HSP90AA1: variants seen among roughly 807,000 people sequenced by gnomAD.
The protein encoded by HSP90AA1 is heat shock protein HSP 90-alpha.
HSP90AA1 carries 18 observed loss-of-function variants against 73.3 expected under a neutral mutation model. The observed-to-expected ratio is 0.25, with a 90% CI of 0.17 to 0.36. HSP90AA1 has a LOEUF of 0.36. Ranked by LOEUF, HSP90AA1 falls within the 10% of genes least tolerant of loss-of-function variation. The pLI, the probability that HSP90AA1 is intolerant of heterozygous loss-of-function variation, is 1.00. For synonymous variants in HSP90AA1, 477 were observed against 296.9 expected, an observed-to-expected ratio of 1.61 and a Z score of -6.24; for missense variants, 704 against 874.2, an observed-to-expected ratio of 0.81 and a Z score of 2.45.
chr14:102,087,102 T>A, upstream of HSP90AA1: 2 of 983,104 alleles, frequency 2.0e-6, no homozygotes, highest in Non-Finnish European at 2.4e-6. Flanking sequence ...CGCGCGGCGC[T>A]TTTTCCAGAA....
Position 102,125,237 on chromosome 14 carries a change from G to C in HSP90AA1, c.155+14013C>G, listed in dbSNP as rs533581850. Among the ~76,000 whole-genome samples, 4 of 152,002 alleles carry C rather than the reference G, an allele frequency of 2.6e-5. 1 individual carries two copies. Among genetic ancestry groups the C allele is most frequent in the Admixed American group, 6.6e-5 (1 of 15,252 alleles). On this transcript the variant is annotated intron_variant, in intron 1 of 11. Coordinates refer to the HSP90AA1 transcript ENST00000334701. Reference sequence around the variant, plus strand: ...TCCAACTCCTGGGCTGAAGTGATCCGACTGCCTCAGCCTCCCAAAGTGCTG... The same window carrying C: ...TCCAACTCCTGGGCTGAAGTGATCCCACTGCCTCAGCCTCCCAAAGTGCTG...
At chr14:102,098,917 C>T (rs1316387356) in intron 2 of HSP90AA1, among the ~76,000 whole-genome samples, 1 of 152,192 alleles carries the variant, frequency 6.6e-6, no homozygotes, top group Non-Finnish European at 1.5e-5. Flanking sequence ...GTTCTAAACT[C>T]TTTCACTAGA....
rs770458840 is a variant in HSP90AA1, at chr14:102,083,091, T to G, written c.1698A>C (p.Thr566=). ...EEKKKQEEKK[T]KFENLCKIMK... is the part of the protein sequence containing the mutation. ...TGATTTTGCAGAGGTTCTCAAACTT[T>G]GTTTTTTTCTCTTCCTGCTTCTTTT... is the stretch of plus-strand genomic sequence containing the variant. The change falls in exon 9 of 11, where the codon ACA becomes ACC. Residue 566 remains threonine, a synonymous_variant. Transcript: ENST00000216281. The G allele has an allele frequency of 6.2e-7, 1 of 1,613,914 alleles. No individual in the cohort carries two copies. Among genetic ancestry groups the G allele is most frequent in the Non-Finnish European group, 8.5e-7 (1 of 1,179,814 alleles).
Position 102,135,650 on chromosome 14 carries a change from C to T in HSP90AA1, c.155+3600G>A, listed in dbSNP as rs976597657. ...CATGGGGGCTGCAGGTCCCGGAGCC[C>T]TGCCCCGCGGGAAGGCAGCTAAGGC... On this transcript the variant is annotated intron_variant, in intron 1 of 11. Transcript: ENST00000334701. Among the ~76,000 whole-genome samples the T allele has an allele frequency of 7.2e-5, 11 of 152,396 alleles. No homozygotes were observed. In the South Asian group the frequency reaches 1.9e-3, roughly 26 times the overall value.
At chr14:102,135,176 T>A (rs1422355495) in intron 1 of HSP90AA1, among the ~76,000 whole-genome samples, 19 of 139,900 alleles carry the variant, frequency 1.4e-4, no homozygotes, top group Admixed American at 7.9e-4. Context: ...GAGCTAGACA[T>A]AAAAGTTCTC....
intron 1 of HSP90AA1, among the ~76,000 whole-genome samples, chr14:102,134,844 C>G (rs10129299): frequency 0.053 from 8,055 of 152,248 alleles, 638 homozygotes; most frequent in African/African-American, 0.17. Flanking sequence ...GTTGCCAATG[C>G]TAGCTCGGGC....
intron 2 of HSP90AA1, among the ~76,000 whole-genome samples, chr14:102,100,749 A>G (rs1313589606): frequency 6.6e-6 from 1 of 152,122 alleles, no homozygotes; most frequent in Non-Finnish European, 1.5e-5. Context: ...CATTTCTTTG[A>G]TTAGTAATCC....
At chr14:102,095,075 G>A (rs536422034) in intron 2 of HSP90AA1, among the ~76,000 whole-genome samples, 1 of 152,188 alleles carries the variant, frequency 6.6e-6, no homozygotes, top group Non-Finnish European at 1.5e-5. Flanking sequence ...TGTCACCTTT[G>A]TTGGACCACA....
In HSP90AA1 at chr14:102,086,016, T is replaced by C. The variant is rs1388698482; in HGVS notation, c.271A>G (p.Ile91Val). The C allele has an allele frequency of 5.6e-6, 9 of 1,613,808 alleles. No homozygotes were observed. In the East Asian group the frequency reaches 8.9e-5, roughly 16 times the overall value. ...GTCATTCCAATTCCAGTATCCACAATAGTGAGAGTTCGATCTTGTTTGTTC... is the reference window on the plus strand; with the variant it reads ...GTCATTCCAATTCCAGTATCCACAACAGTGAGAGTTCGATCTTGTTTGTTC... Reference protein sequence around the residue: ...IPNKQDRTLTIVDTGIGMTKA... With the variant: ...IPNKQDRTLTVVDTGIGMTKA... Residue 91 changes from isoleucine to valine, a missense_variant, in exon 3 of 11, where the codon ATT becomes GTT. Ile to Val is a conservative substitution (Grantham distance 29, BLOSUM62 3). Transcript: ENST00000216281.
chr14:102,106,537 ATTTTT>A (rs10562409), intron 1 of HSP90AA1, among the ~76,000 whole-genome samples: 13 of 79,818 alleles, frequency 1.6e-4, no homozygotes, highest in Admixed American at 1.5e-4. Context: ...TGTTGAGCTA[ATTTTT>A]TTTTTTTTTT....
chr14:102,119,564 C>G (rs2049747777), intron 1 of HSP90AA1, among the ~76,000 whole-genome samples: 2 of 152,240 alleles, frequency 1.3e-5, no homozygotes, highest in African/African-American at 4.8e-5. Context: ...TCTCAGTTCA[C>G]TGCAACTTCC....
chr14:102,129,171 C>CT (rs2049875112), intron 1 of HSP90AA1, among the ~76,000 whole-genome samples: 2 of 129,396 alleles, frequency 1.5e-5, no homozygotes, highest in South Asian at 5.2e-4. Flanking sequence ...GAGTCTCACT[C>CT]TGTCGCCCAG....
chr14:102,127,200 A>G (rs549787936), intron 1 of HSP90AA1, among the ~76,000 whole-genome samples: 87 of 152,306 alleles, frequency 5.7e-4, no homozygotes, highest in African/African-American at 1.9e-3. Flanking sequence ...AAAGTTAGGA[A>G]CTGTTATTGA....
chr14:102,100,465 G>GC (rs1476608639), intron 2 of HSP90AA1, among the ~76,000 whole-genome samples: 2 of 130,194 alleles, frequency 1.5e-5, no homozygotes, highest in Non-Finnish European at 3.2e-5. Flanking sequence ...CACTCCTGTT[G>GC]CCCAGGCTGG....
rs1566722182 is a variant in HSP90AA1 at position 102,086,995 on chromosome 14, G to GTT, written c.-11_-10insAA. On this transcript the variant is annotated 5_prime_UTR_variant, in exon 1 of 11. Transcript: ENST00000216281. ...CACAACCACCCGTCACCTTGGCTAA[G>GTT]TGACCGCACAGGACCAACGGCACAG... The GTT allele has an allele frequency of 1.0e-6, 1 of 985,188 alleles. No homozygotes were observed. The highest frequency in any genetic ancestry group is 1.8e-5 in the African/African-American group (1 of 57,120). 61.0% of individuals were successfully genotyped at this position (985,188 alleles called of 1,614,324 possible).
intron 1 of HSP90AA1, among the ~76,000 whole-genome samples, chr14:102,110,065 C>G (rs1372777126): frequency 6.6e-6 from 1 of 152,070 alleles, no homozygotes; most frequent in East Asian, 1.9e-4. Flanking sequence ...TCCTGAGTAG[C>G]TGGGACTACA....
intron 7 of HSP90AA1, 37 bp from the exon 8 acceptor site, chr14:102,083,730 ATT>A: frequency 2.0e-6 from 3 of 1,491,708 alleles, no homozygotes; most frequent in South Asian, 1.2e-5. Flanking sequence ...GACTTTCTGA[ATT>A]AAAAAAAAAA....
chr14:102,084,573 A>T lies in HSP90AA1; in HGVS notation c.982-9T>A, dbSNP rs1440754667. On this transcript the variant is annotated splice_polypyrimidine_tract_variant and intron_variant, in intron 5 of 10. Coordinates refer to ENST00000216281, the MANE Select transcript of HSP90AA1 (RefSeq NM_005348.4). ...CCTTCAACTGAAAAATGCTGTAATA[A>T]AACAGATACACTAAGTACCAATGAA... is the stretch of plus-strand genomic sequence containing the variant. The T allele has an allele frequency of 6.2e-7, 1 of 1,614,084 alleles. No individual in the cohort carries two copies. The highest frequency in any genetic ancestry group is 1.1e-5 in the South Asian group (1 of 91,094).
intron 1 of HSP90AA1, among the ~76,000 whole-genome samples, chr14:102,122,740 T>C (rs1475058121): frequency 6.6e-6 from 1 of 151,996 alleles, no homozygotes; most frequent in Non-Finnish European, 1.5e-5. Context: ...CGATCTCAGC[T>C]CACTGCAACC....
Sources: gnomAD v4.1 joint callset for allele counts (sites outside exome capture counted in the v4.1 genomes callset) on GRCh38, gnomAD v4.1.1 for gene constraint, MANE v1.5 for transcripts, NCBI Gene and HGNC (gene_info 2026-07-23, HGNC 2026-07-21) for gene names.